The following TXLNB variants were observed in gnomAD, a reference collection of about 807,000 sequenced individuals.
The protein encoded by TXLNB is beta-taxilin.
A neutral mutation model predicts 57.4 loss-of-function variants in TXLNB; 37 were observed. The observed-to-expected ratio is 0.64, with a 90% CI of 0.50 to 0.85. TXLNB has a LOEUF of 0.85. Among genes scored for constraint, TXLNB ranks in the 40% least tolerant of loss-of-function variants. The pLI, the probability that TXLNB is intolerant of heterozygous loss-of-function variation, is 0.00. For missense variants in TXLNB, 848 were observed against 825.6 expected (o/e 1.03, Z -0.33); for synonymous variants, 302 against 309.6 (o/e 0.98, Z 0.26).
chr6:139,184,128 C>G, the TXLNB span, among the ~76,000 whole-genome samples: 1 of 152,292 alleles, frequency 6.6e-6, no homozygotes, highest in South Asian at 2.1e-4. Context: ...ACTTTGTCTC[C>G]TACGAGGTTG....
chr6:139,203,099 C>T, the TXLNB span, among the ~76,000 whole-genome samples: 1 of 152,154 alleles, frequency 6.6e-6, no homozygotes, highest in Non-Finnish European at 1.5e-5. Flanking sequence ...ATCCAGTCAT[C>T]TGCTGATGGA....
At chr6:139,168,788 A>G in the TXLNB span, among the ~76,000 whole-genome samples, 3 of 152,296 alleles carry the variant, frequency 2.0e-5, no homozygotes, top group South Asian at 4.1e-4. Flanking sequence ...GAGACTTTCA[A>G]CGTCTGAGAA....
the TXLNB span, among the ~76,000 whole-genome samples, chr6:139,223,464 A>G: frequency 6.6e-6 from 1 of 152,168 alleles, no homozygotes; most frequent in Admixed American, 6.6e-5. Context: ...CAATAGAGAA[A>G]ATAAAATAGA....
the TXLNB span, among the ~76,000 whole-genome samples, chr6:139,307,873 T>G: frequency 6.6e-6 from 1 of 152,218 alleles, no homozygotes; most frequent in East Asian, 1.9e-4. Flanking sequence ...TTGATTTTTA[T>G]CCAGACGTGT....
the TXLNB span, among the ~76,000 whole-genome samples, chr6:139,210,933 G>T: frequency 6.6e-6 from 1 of 152,244 alleles, no homozygotes; most frequent in Admixed American, 6.5e-5. Flanking sequence ...GAGGCTGGGG[G>T]AGGGGCACCT....
chr6:139,167,224 G>A, the TXLNB span: 58 of 1,614,028 alleles, frequency 3.6e-5, no homozygotes, highest in African/African-American at 5.7e-4. Flanking sequence ...GCCACCGGGC[G>A]CTCCCGGTGT....
chr6:139,163,017 T>C, the TXLNB span, among the ~76,000 whole-genome samples: 1 of 152,226 alleles, frequency 6.6e-6, no homozygotes. Context: ...CCTCACTGTC[T>C]ACCTCTGACC....
the TXLNB span, among the ~76,000 whole-genome samples, chr6:139,320,396 C>A: frequency 6.6e-6 from 1 of 152,154 alleles, no homozygotes; most frequent in African/African-American, 2.4e-5. Flanking sequence ...AATTGCCTTC[C>A]TTGCTAGCTC....
At chr6:139,165,325 A>G in the TXLNB span, among the ~76,000 whole-genome samples, 6 of 152,038 alleles carry the variant, frequency 3.9e-5, no homozygotes. Flanking sequence ...GTTCCCATAT[A>G]CCTCCTGCCC....
At chr6:139,265,798 G>A (rs1776600742) in intron 4 of TXLNB, among the ~76,000 whole-genome samples, 1 of 152,204 alleles carries the variant, frequency 6.6e-6, no homozygotes, top group African/African-American at 2.4e-5. Flanking sequence ...AGGGAAATCT[G>A]CAGTTGGCAG....
the TXLNB span, among the ~76,000 whole-genome samples, chr6:139,168,061 A>G: frequency 6.6e-6 from 1 of 152,214 alleles, no homozygotes; most frequent in African/African-American, 2.4e-5. Context: ...AAAATGATAT[A>G]TCCCCACCTG....
At chr6:139,287,656 C>T (rs1777206492) in intron 2 of TXLNB, among the ~76,000 whole-genome samples, 1 of 152,174 alleles carries the variant, frequency 6.6e-6, no homozygotes, top group African/African-American at 2.4e-5. Context: ...GAAAGTATCA[C>T]ATAGGAGGGA....
At chr6:139,323,794 G>A in the TXLNB span, among the ~76,000 whole-genome samples, 13 of 152,084 alleles carry the variant, frequency 8.5e-5, no homozygotes, top group African/African-American at 2.9e-4. Context: ...TTTACCTCCG[G>A]GCTTCCGTTG....
At chr6:139,214,254 G>A in the TXLNB span, among the ~76,000 whole-genome samples, 29,461 of 152,096 alleles carry the variant, frequency 0.19, 2,946 homozygotes, top group East Asian at 0.27. Flanking sequence ...ACTGAATCCA[G>A]CAACACATCA....
chr6:139,317,621 G>A, the TXLNB span, among the ~76,000 whole-genome samples: 1 of 152,052 alleles, frequency 6.6e-6, no homozygotes, highest in South Asian at 2.1e-4. Flanking sequence ...GGATGATCTC[G>A]ATCTCCTGAC....
chr6:139,260,728 T>C (rs1776459691), intron 5 of TXLNB, among the ~76,000 whole-genome samples: 1 of 152,224 alleles, frequency 6.6e-6, no homozygotes, highest in South Asian at 2.1e-4. Flanking sequence ...TTGGTAACTA[T>C]TAGATATGAT....
the TXLNB span, chr6:139,178,952 A>G: frequency 3.9e-5 from 6 of 152,214 alleles, no homozygotes; most frequent in Admixed American, 3.9e-4. Context: ...ATTCACTAAT[A>G]TCATTCATCT....
At chr6:139,189,349 T>A in the TXLNB span, among the ~76,000 whole-genome samples, 1 of 152,222 alleles carries the variant, frequency 6.6e-6, no homozygotes, top group Non-Finnish European at 1.5e-5. Flanking sequence ...TATTCAAAAC[T>A]GCTAAGCATT....
At chr6:139,173,111 A>G in the TXLNB span, among the ~76,000 whole-genome samples, 15 of 152,290 alleles carry the variant, frequency 9.8e-5, no homozygotes, top group African/African-American at 2.6e-4. Context: ...ACTTCCTAAC[A>G]TGCCCCGAGG....
Sources: allele counts gnomAD v4.1 joint callset (sites outside exome capture counted in the v4.1 genomes callset), GRCh38; gene constraint gnomAD v4.1.1; transcripts MANE v1.5; gene names NCBI Gene and HGNC (gene_info 2026-07-23, HGNC 2026-07-21).